COL9A1: variants seen among roughly 807,000 people sequenced by gnomAD.
The protein encoded by COL9A1 is collagen alpha-1(IX) chain.
COL9A1 carries 104 observed loss-of-function variants against 142.6 expected under a neutral mutation model. The ratio of observed to expected loss-of-function variants is 0.73; its 90% CI spans 0.62 to 0.86. The LOEUF (loss-of-function observed/expected upper bound fraction) is 0.86, where lower values mean the gene tolerates loss of function less well. Ranked by LOEUF, COL9A1 falls within the 40% of genes least tolerant of loss-of-function variation. COL9A1 has a pLI of 0.00. For missense variants in COL9A1, 1,210 were observed against 1,176.6 expected, an observed-to-expected ratio of 1.03 and a Z score of -0.42; for synonymous variants, 466 against 396.0, an observed-to-expected ratio of 1.18 and a Z score of -2.10.
rs1473284816 is a variant in COL9A1, at chr6:70,294,280, A to G, written c.583T>C (p.Phe195Leu). Reference protein sequence around the residue: ...IGVERSSATLFVDCNRIESLP... With the variant: ...IGVERSSATLLVDCNRIESLP... ...GATTCAATCCTGTTGCAGTCAACAA[A>G]AAGAGTAGCACTACTCCTCTCCACG... The change falls in exon 5 of 38, where the codon TTT becomes CTT. Residue 195 changes from phenylalanine (F) to leucine (L), a missense_variant. Coordinates refer to ENST00000357250, the MANE Select transcript of COL9A1 (RefSeq NM_001851.6). The G allele has an allele frequency of 6.2e-6, 10 of 1,613,944 alleles. No individual in the cohort carries two copies. The highest frequency in any genetic ancestry group is 8.5e-6 in the Non-Finnish European group (10 of 1,179,966).
chr6:70,217,718 G>A (rs1227214590), intron 37 of COL9A1, among the ~76,000 whole-genome samples: 4 of 152,136 alleles, frequency 2.6e-5, no homozygotes, highest in Non-Finnish European at 4.4e-5. Context: ...ATAGTTTAGC[G>A]GTTAAAAACA....
chr6:70,230,068 G>A lies in COL9A1; in HGVS notation c.2503+2515C>T, dbSNP rs187704154. On this transcript the variant is annotated intron_variant, in intron 36 of 37. Coordinates refer to ENST00000357250, the MANE Select transcript of COL9A1 (RefSeq NM_001851.6). ...ATTCATACCATCCCTTCTTTACCAG[G>A]GATGGGGAAAAAAGCCAGCAAGCAA... Among the ~76,000 whole-genome samples, 555 of 152,262 alleles carry A rather than the reference G, an allele frequency of 3.6e-3. 3 individuals carry two copies. The highest frequency in any genetic ancestry group is 6.8e-3 in the Middle Eastern group (2 of 294).
At chr6:70,289,496 C>T (rs1445485914) in intron 5 of COL9A1, among the ~76,000 whole-genome samples, 1 of 152,108 alleles carries the variant, frequency 6.6e-6, no homozygotes, top group South Asian at 2.1e-4. Flanking sequence ...AGTGGAAAAT[C>T]CAGCTGAGGT....
At chr6:70,299,087 T>G (rs1773956258) in intron 4 of COL9A1, among the ~76,000 whole-genome samples, 1 of 152,112 alleles carries the variant, frequency 6.6e-6, no homozygotes. Flanking sequence ...ATTAGTAAAT[T>G]TATAGAAAGA....
intron 33 of COL9A1, 91 bp from the exon 34 acceptor site, chr6:70,235,031 G>T (rs1342235233): frequency 2.0e-6 from 3 of 1,526,676 alleles, no homozygotes; most frequent in African/African-American, 2.7e-5. Flanking sequence ...GAAATTTGCG[G>T]TTTCCTGCAC....
Position 70,216,554 on chromosome 6 carries a change from T to C in COL9A1, c.*343A>G, listed in dbSNP as rs1439346085. ...AAACCAAACAGTTGTTTTTGTTTAT[T>C]GGCACAGTGGCCCACGATAAGACAC... On this transcript the variant is annotated 3_prime_UTR_variant, in exon 38 of 38. Coordinates refer to ENST00000357250, the MANE Select transcript of COL9A1 (RefSeq NM_001851.6). 3.7e-6 allele frequency: 1 copy of C among 267,596 alleles called. No individual in the cohort carries two copies. The highest frequency in any genetic ancestry group is 2.2e-5 in the African/African-American group (1 of 45,392). The allele number at this position is 267,596 out of a possible 1,614,324, so 16.6% of individuals were successfully genotyped here.
At chr6:70,266,564 T>C (rs1199080996) in intron 18 of COL9A1, among the ~76,000 whole-genome samples, 153 bp downstream of exon 18, 1 of 152,224 alleles carries the variant, frequency 6.6e-6, no homozygotes, top group African/African-American at 2.4e-5. Context: ...TAGTCAAATA[T>C]TGATGCATCT....
chr6:70,288,017 A>G (rs914626269), intron 5 of COL9A1, among the ~76,000 whole-genome samples: 6 of 152,240 alleles, frequency 3.9e-5, no homozygotes, highest in African/African-American at 1.2e-4. Context: ...CAATTCCCAG[A>G]GTTCTATTCC....
chr6:70,296,468 A>G (rs775056342), intron 4 of COL9A1, among the ~76,000 whole-genome samples: 6 of 152,096 alleles, frequency 3.9e-5, no homozygotes, highest in Non-Finnish European at 8.8e-5. Context: ...TATTTTCCCC[A>G]TATGAAACTG....
In COL9A1 at chr6:70,273,597, G is replaced by A. The variant is rs16868888; in HGVS notation, c.1065+450C>T. Among the ~76,000 whole-genome samples the A allele has an allele frequency of 1.1e-4, 16 of 152,212 alleles. No homozygotes were observed. In the East Asian group the frequency reaches 2.9e-3, roughly 27 times the overall value. On this transcript the variant is annotated intron_variant, in intron 12 of 37. Coordinates refer to ENST00000357250, the MANE Select transcript of COL9A1 (RefSeq NM_001851.6). ...GCCATATTGTGCAAATGCAGAAAAAGACTAGCCAAGGAATCAGGCAAGTGA... is the reference window on the plus strand; with the variant it reads ...GCCATATTGTGCAAATGCAGAAAAAAACTAGCCAAGGAATCAGGCAAGTGA...
At chr6:70,227,142 C>A (rs1239402677) in intron 36 of COL9A1, among the ~76,000 whole-genome samples, 1 of 151,914 alleles carries the variant, frequency 6.6e-6, no homozygotes, top group African/African-American at 2.4e-5. Flanking sequence ...TAGATCTATA[C>A]CTCACACCCT....
chr6:70,227,874 A>G (rs1769333094), intron 36 of COL9A1, among the ~76,000 whole-genome samples: 1 of 152,138 alleles, frequency 6.6e-6, no homozygotes, highest in Admixed American at 6.5e-5. Flanking sequence ...GGCAAGTTCC[A>G]GAACACTTGC....
rs1379985951 is a variant in COL9A1, at chr6:70,216,743, G to A, written c.*154C>T. 4 of 787,062 alleles carry A rather than the reference G, an allele frequency of 5.1e-6. No individual in the cohort carries two copies. Among genetic ancestry groups the A allele is most frequent in the Middle Eastern group, 3.5e-4 (1 of 2,880 alleles). 48.8% of individuals were successfully genotyped at this position (787,062 alleles called of 1,614,324 possible). ...TGAATAGCACCGTTCTTCTATATGT[G>A]ATTGTCAAGTAGGACTTCTGTAATC... On this transcript the variant is annotated 3_prime_UTR_variant, in exon 38 of 38. Coordinates refer to ENST00000357250, the MANE Select transcript of COL9A1 (RefSeq NM_001851.6).
Position 70,294,511 on chromosome 6 carries a change from G to T in COL9A1, c.352C>A (p.Arg118=), listed in dbSNP as rs147237457. Residue 118 remains arginine (R), a synonymous_variant, in exon 5 of 38, where the codon CGA becomes AGA. Transcript: ENST00000357250. ...TTTTTGAGAGTGCTTCCAGTCATTCGAAACGTCGTCAAGAAGGAGTATTCT... is the reference window on the plus strand; with the variant it reads ...TTTTTGAGAGTGCTTCCAGTCATTCTAAACGTCGTCAAGAAGGAGTATTCT... ...PEEYSFLTTF[R]MTGSTLKKNW... 4 of 1,613,906 alleles carry T rather than the reference G, an allele frequency of 2.5e-6. No homozygotes were observed. The African/African-American group carries it at 4.0e-5, about 16-fold the overall frequency.
intron 19 of COL9A1, among the ~76,000 whole-genome samples, chr6:70,262,319 T>C (rs1771740408): frequency 6.6e-6 from 1 of 152,214 alleles, no homozygotes; most frequent in Non-Finnish European, 1.5e-5. Flanking sequence ...AAAGTTCTCA[T>C]GTGGCTTGAA....
Position 70,216,723 on chromosome 6 carries a change from A to T in COL9A1, c.*174T>A. The T allele has an allele frequency of 1.4e-6, 1 of 698,924 alleles. No homozygotes were observed. 43.3% of individuals were successfully genotyped at this position (698,924 alleles called of 1,614,324 possible). The stretch of plus-strand genomic sequence containing the variant: ...GGAAAGGAAAGAGAACTTACTGAAT[A>T]GCACCGTTCTTCTATATGTGATTGT... On this transcript the variant is annotated 3_prime_UTR_variant, in exon 38 of 38. Transcript: ENST00000357250.
Position 70,296,713 on chromosome 6 carries a change from G to T in COL9A1, c.300-2150C>A, listed in dbSNP as rs574433011. Among the ~76,000 whole-genome samples the T allele has an allele frequency of 2.6e-5, 4 of 152,186 alleles. No homozygotes were observed. In the South Asian group the frequency reaches 8.3e-4, roughly 32 times the overall value. Reference sequence around the variant, plus strand: ...TACCTCAATAAATTTGGAGCTGGGAGATACATTTTCAAAGTTTTACTCAAT... The same window carrying T: ...TACCTCAATAAATTTGGAGCTGGGATATACATTTTCAAAGTTTTACTCAAT... On this transcript the variant is annotated intron_variant, in intron 4 of 37. Coordinates refer to ENST00000357250, the MANE Select transcript of COL9A1 (RefSeq NM_001851.6).
At position 70,254,526 on chromosome 6, in the gene COL9A1, C is replaced by T; in HGVS notation, c.1669G>A (p.Glu557Lys). 6.2e-7 allele frequency: 1 copy of T among 1,613,974 alleles called. No individual in the cohort carries two copies. The highest frequency in any genetic ancestry group is 8.5e-7 in the Non-Finnish European group (1 of 1,179,938). Residue 557 changes from glutamate to lysine, a missense_variant, in exon 25 of 38, where the codon GAA becomes AAA. Coordinates refer to ENST00000357250, the MANE Select transcript of COL9A1 (RefSeq NM_001851.6). ...CCAGGAGGCCCAGGTTTTCCTGGTT[C>T]ACCCTGCAAAAAAAGCTTTTATCAC... ...GIPGMPGTKG[E>K]PGKPGPPGDA...
At chr6:70,222,913 C>A (rs1165012131) in intron 37 of COL9A1, 1 of 152,020 alleles carries the variant, frequency 6.6e-6, no homozygotes, top group Admixed American at 6.6e-5. Context: ...TTTCATCAGG[C>A]CTTAAAGTCC....
Sources: gnomAD v4.1 joint callset for allele counts (sites outside exome capture counted in the v4.1 genomes callset) on GRCh38, gnomAD v4.1.1 for gene constraint, MANE v1.5 for transcripts, NCBI Gene and HGNC (gene_info 2026-07-23, HGNC 2026-07-21) for gene names.